The following SLC1A1 variants were observed in gnomAD, a reference collection of about 807,000 sequenced individuals.
SLC1A1 encodes excitatory amino acid transporter 3.
A neutral mutation model predicts 53.3 loss-of-function variants in SLC1A1; 43 were observed. That is an observed-to-expected ratio of 0.81 (90% CI 0.63 to 1.04). The LOEUF (loss-of-function observed/expected upper bound fraction) is 1.04, where lower values mean the gene tolerates loss of function less well. SLC1A1 is among the 50% of genes least tolerant of loss of function. SLC1A1 has a pLI of 0.00. For missense variants in SLC1A1, 748 were observed against 664.9 expected (o/e 1.12, Z -1.37); for synonymous variants, 307 against 243.2 (o/e 1.26, Z -2.44).
At chr9:4,528,868 G>C (rs979043262) in intron 1 of SLC1A1, among the ~76,000 whole-genome samples, 1 of 151,928 alleles carries the variant, frequency 6.6e-6, no homozygotes, top group Admixed American at 6.6e-5. Flanking sequence ...ACACATATCC[G>C]TGTCTTCATT....
chr9:4,518,012 G>T (rs1038930236), intron 1 of SLC1A1, among the ~76,000 whole-genome samples: 7 of 152,012 alleles, frequency 4.6e-5, no homozygotes, highest in African/African-American at 1.7e-4. Context: ...TGGATCACTT[G>T]AGGTCAGGAG....
intron 1 of SLC1A1, among the ~76,000 whole-genome samples, chr9:4,525,687 T>C (rs1816234187): frequency 6.6e-6 from 1 of 151,614 alleles, no homozygotes; most frequent in African/African-American, 2.4e-5. Flanking sequence ...AAACTTAGAG[T>C]GGAATTAAAA....
chr9:4,497,133 A>C (rs199504978), intron 1 of SLC1A1, among the ~76,000 whole-genome samples: 1 of 81,922 alleles, frequency 1.2e-5, no homozygotes, highest in Non-Finnish European at 3.4e-5. Flanking sequence ...TAAAAAACAG[A>C]AATTTTTTTT....
rs1554691480 is a variant in SLC1A1 at position 4,586,186 on chromosome 9, A to G, written c.*628A>G. 6.4e-6 allele frequency: 1 copy of G among 155,484 alleles called. No individual in the cohort carries two copies. The highest frequency in any genetic ancestry group is 1.4e-5 in the Non-Finnish European group (1 of 70,218). The allele number at this position is 155,484 out of a possible 1,614,324, so 9.6% of individuals were successfully genotyped here. A position where few individuals can be genotyped will look rare whatever the true frequency, so the allele number is the denominator to read the frequency against. On this transcript the variant is annotated 3_prime_UTR_variant, in exon 12 of 12. Coordinates refer to ENST00000262352, the MANE Select transcript of SLC1A1 (RefSeq NM_004170.6). Reference sequence around the variant, plus strand: ...AATGTACTGTATTGGGACGCTGGTAACTGTTAACCCAGTGTTCAGCATAGA... The same window carrying G: ...AATGTACTGTATTGGGACGCTGGTAGCTGTTAACCCAGTGTTCAGCATAGA...
chr9:4,494,898 A>G (rs1028522998), intron 1 of SLC1A1, among the ~76,000 whole-genome samples: 3 of 152,156 alleles, frequency 2.0e-5, no homozygotes, highest in African/African-American at 7.2e-5. Context: ...TCATTTGAAA[A>G]ATCTGTGATT....
intron 11 of SLC1A1, 23 bp from the exon 12 acceptor site, chr9:4,585,289 T>C (rs759687611): frequency 6.2e-7 from 1 of 1,612,728 alleles, no homozygotes; most frequent in East Asian, 2.2e-5. Flanking sequence ...GCCTCCTGTC[T>C]GACTCCTCCC....
In SLC1A1 at chr9:4,572,341, C is replaced by A. The variant is rs913664594; in HGVS notation, c.720C>A (p.Phe240Leu). ...AGGGACAAATTCTGGTGGATTTCTT[C>A]AATGCTTTGAGTGATGCAACCATGA... is the stretch of plus-strand genomic sequence containing the variant. ...GEKGQILVDF[F>L]NALSDATMKI... Residue 240 changes from phenylalanine (F) to leucine (L), a missense_variant, in exon 7 of 12, where the codon TTC becomes TTA. Transcript: ENST00000262352. 4 of 1,614,028 alleles carry A rather than the reference C, an allele frequency of 2.5e-6. No individual in the cohort carries two copies. The highest frequency in any genetic ancestry group is 2.5e-6 in the Non-Finnish European group (3 of 1,180,010).
At chr9:4,525,768 A>G (rs935813784) in intron 1 of SLC1A1, among the ~76,000 whole-genome samples, 2 of 152,204 alleles carry the variant, frequency 1.3e-5, no homozygotes, top group Non-Finnish European at 2.9e-5. Flanking sequence ...AATAGGTGTG[A>G]GAAAAATCAG....
chr9:4,523,797 A>G (rs973748717), intron 1 of SLC1A1, among the ~76,000 whole-genome samples: 2 of 152,164 alleles, frequency 1.3e-5, no homozygotes, highest in Non-Finnish European at 2.9e-5. Context: ...AAATCTCCTA[A>G]TGACTCCATG....
chr9:4,527,515 T>C (rs1222775493), intron 1 of SLC1A1, among the ~76,000 whole-genome samples: 1 of 152,302 alleles, frequency 6.6e-6, no homozygotes, highest in East Asian at 1.9e-4. Flanking sequence ...ATCTGAGTAC[T>C]ATGATCAATA....
At chr9:4,581,590 T>C (rs1360172792) in intron 10 of SLC1A1, among the ~76,000 whole-genome samples, 1 of 152,204 alleles carries the variant, frequency 6.6e-6, no homozygotes, top group African/African-American at 2.4e-5. Flanking sequence ...TGGACACAAA[T>C]CACTTCTGAC....
At chr9:4,532,858 T>A (rs1032460037) in intron 1 of SLC1A1, among the ~76,000 whole-genome samples, 2 of 152,114 alleles carry the variant, frequency 1.3e-5, no homozygotes. Context: ...GACTAACAGC[T>A]GATCTCTCGG....
intron 6 of SLC1A1, among the ~76,000 whole-genome samples, chr9:4,569,807 C>A (rs544999082): frequency 6.6e-6 from 1 of 152,268 alleles, no homozygotes; most frequent in Non-Finnish European, 1.5e-5. Flanking sequence ...CTTATTCCTG[C>A]CTTTTGATGT....
chr9:4,526,326 T>C (rs183512025), intron 1 of SLC1A1, among the ~76,000 whole-genome samples: 2 of 152,282 alleles, frequency 1.3e-5, no homozygotes, highest in Admixed American at 1.3e-4. Flanking sequence ...ATGAACTGGA[T>C]CTACTTGTAT....
intron 1 of SLC1A1, among the ~76,000 whole-genome samples, chr9:4,502,047 C>T (rs1820648811): frequency 6.6e-6 from 1 of 151,578 alleles, no homozygotes; most frequent in Non-Finnish European, 1.5e-5. Flanking sequence ...GTGGGTATCT[C>T]AAAGACTTGT....
chr9:4,512,082 C>CG (rs1564000205), intron 1 of SLC1A1, among the ~76,000 whole-genome samples: 1 of 152,082 alleles, frequency 6.6e-6, no homozygotes, highest in East Asian at 1.9e-4. Flanking sequence ...AATGGAGAGA[C>CG]ATAAGTTGTT....
At chr9:4,535,436 C>A (rs1156566094) in intron 1 of SLC1A1, among the ~76,000 whole-genome samples, 2 of 152,152 alleles carry the variant, frequency 1.3e-5, no homozygotes, top group Non-Finnish European at 2.9e-5. Flanking sequence ...AGAGCCAAAT[C>A]ATGAGTGAAC....
intron 1 of SLC1A1, among the ~76,000 whole-genome samples, chr9:4,498,196 A>C (rs1042616731): frequency 3.9e-5 from 6 of 152,194 alleles, no homozygotes; most frequent in Admixed American, 3.9e-4. Flanking sequence ...TTCAAAGGGC[A>C]TTACAAGATG....
In SLC1A1 at chr9:4,536,854, T is replaced by C. The variant is rs200856853; in HGVS notation, c.92-7713T>C. Reference sequence around the variant, plus strand: ...GTGGCACATATACACCATGGAATACTATGCAGCCATAAAAAATGATGAGTT... The same window carrying C: ...GTGGCACATATACACCATGGAATACCATGCAGCCATAAAAAATGATGAGTT... On this transcript the variant is annotated intron_variant, in intron 1 of 11. Coordinates refer to ENST00000262352, the MANE Select transcript of SLC1A1 (RefSeq NM_004170.6). Among the ~76,000 whole-genome samples the C allele has an allele frequency of 5.7e-4, 86 of 152,110 alleles. No individual in the cohort carries two copies. The East Asian group carries it at 0.013, about 24-fold the overall frequency.
Sources: allele counts gnomAD v4.1 joint callset (sites outside exome capture counted in the v4.1 genomes callset), GRCh38; gene constraint gnomAD v4.1.1; transcripts MANE v1.5; gene names NCBI Gene and HGNC (gene_info 2026-07-23, HGNC 2026-07-21).